The following DMD variants were observed in gnomAD, a reference collection of about 807,000 sequenced individuals.
The protein encoded by DMD is mutant dystrophin.
Under a neutral mutation model 330.1 loss-of-function variants are expected in DMD, and 63 were observed. That is an observed-to-expected ratio of 0.19 (90% CI 0.16 to 0.24). The LOEUF (loss-of-function observed/expected upper bound fraction) is 0.24. DMD is among the 10% of genes least tolerant of loss of function. DMD has a pLI of 1.00. For synonymous variants in DMD, 1,223 were observed against 959.8 expected, an observed-to-expected ratio of 1.27 and a Z score of -5.07; for missense variants, 3,344 against 2,684.1, an observed-to-expected ratio of 1.25 and a Z score of -5.43.
At chrX:31,717,890 A>G (rs2085177758) in intron 52 of DMD, among the ~76,000 whole-genome samples, 1 of 111,808 alleles carries the variant, frequency 8.9e-6, no homozygotes, top group Non-Finnish European at 1.9e-5. Context: ...GACCAGTTCT[A>G]CGTTTTTCTG....
intron 43 of DMD, among the ~76,000 whole-genome samples, chrX:32,230,365 T>C (rs747538274): frequency 9.0e-6 from 1 of 111,574 alleles, no homozygotes; most frequent in South Asian, 3.8e-4. Flanking sequence ...CCGCCTCAGC[T>C]TCCCGAGTAG....
rs1415163842 is a variant in DMD at position 31,362,533 on chromosome X, AAAT to A, written c.9085-13902_9085-13900del. 1.5e-4 allele frequency among the ~76,000 whole-genome samples: 17 copies of A among 112,917 alleles called. No homozygotes were observed. In the Admixed American group the frequency reaches 1.6e-3, roughly 11 times the overall value. On this transcript the variant is annotated intron_variant, in intron 60 of 78. Transcript: ENST00000357033. ...TATGCAAATATTCCAAAATCCACAAAAATAAAAAATCCAAAACACTTCTGGTCC... is the reference window on the plus strand; with the variant it reads ...TATGCAAATATTCCAAAATCCACAAAAAAAAATCCAAAACACTTCTGGTCC...
At chrX:32,532,217 T>C (rs767475226) in intron 17 of DMD, among the ~76,000 whole-genome samples, 2 of 112,047 alleles carry the variant, frequency 1.8e-5, no homozygotes, top group South Asian at 3.6e-4. Context: ...AGAAATCTTT[T>C]CAGTGAAAAA....
intron 7 of DMD, among the ~76,000 whole-genome samples, chrX:32,731,645 G>C (rs1291049628): frequency 8.9e-6 from 1 of 111,950 alleles, no homozygotes; most frequent in Non-Finnish European, 1.9e-5. Context: ...CTCCCCAAAA[G>C]GGGCATACTG....
At chrX:32,700,459 G>C (rs188891252) in intron 7 of DMD, among the ~76,000 whole-genome samples, 2 of 110,940 alleles carry the variant, frequency 1.8e-5, no homozygotes, top group South Asian at 3.8e-4. Flanking sequence ...ATTTCAGTTA[G>C]ATAGGAAAAA....
chrX:32,502,728 G>A (rs1220751934), intron 18 of DMD, among the ~76,000 whole-genome samples: 2 of 111,938 alleles, frequency 1.8e-5, no homozygotes, highest in South Asian at 3.7e-4. Context: ...TGAATTTGAG[G>A]CAGAAGGTTA....
At chrX:33,087,824 CTTGA>C (rs1195137485) in intron 1 of DMD, among the ~76,000 whole-genome samples, 6 of 111,561 alleles carry the variant, frequency 5.4e-5, no homozygotes, top group Non-Finnish European at 7.5e-5. Context: ...CCCTCACCTT[CTTGA>C]TTATTTCTGA....
At chrX:31,815,507 C>A (rs2092601247) in intron 50 of DMD, among the ~76,000 whole-genome samples, 4 of 110,624 alleles carry the variant, frequency 3.6e-5, no homozygotes, top group Non-Finnish European at 5.7e-5. Context: ...AAATCAGAAA[C>A]TCTGGGGTTG....
At chrX:32,204,802 G>T (rs1451346185) in intron 44 of DMD, among the ~76,000 whole-genome samples, 1 of 109,089 alleles carries the variant, frequency 9.2e-6, no homozygotes, top group Non-Finnish European at 1.9e-5. Flanking sequence ...AACAGGTGGG[G>T]GTTGAGGTCT....
At chrX:33,008,803 C>CACATATATGT (rs367795613) in intron 2 of DMD, among the ~76,000 whole-genome samples, 2,601 of 62,565 alleles carry the variant, frequency 0.042, 132 homozygotes, top group East Asian at 0.26. Flanking sequence ...CGTATATATA[C>CACATATATGT]GTATATATAC....
In DMD at chrX:32,595,827, G is replaced by A. The variant is rs1295185756; in HGVS notation, c.1532C>T (p.Thr511Ile). Residue 511 changes from threonine to isoleucine, a missense_variant, in exon 13 of 79, where the codon ACT (threonine) becomes ATT (isoleucine). Transcript: ENST00000357033. The part of the protein sequence containing the change: ...EQEQVRVNSL[T>I]HMVVVVDESS... ...TTCATCAACTACCACCACCATGTGA[G>A]TGAGAGAATTGACCCTGACTTGTTC... 4 of 1,202,568 alleles carry A rather than the reference G, an allele frequency of 3.3e-6. No individual in the cohort carries two copies. The highest frequency in any genetic ancestry group is 3.4e-6 in the Non-Finnish European group (3 of 887,006).
chrX:32,111,181 G>C (rs2096587782), intron 44 of DMD, among the ~76,000 whole-genome samples: 1 of 111,825 alleles, frequency 8.9e-6, no homozygotes, highest in South Asian at 3.7e-4. Context: ...ACAGTCCTAG[G>C]ATATGTGTAT....
chrX:32,111,708 T>C (rs1283701743), intron 44 of DMD, among the ~76,000 whole-genome samples: 1 of 111,564 alleles, frequency 9.0e-6, no homozygotes, highest in African/African-American at 3.3e-5. Context: ...TGGAATTCAA[T>C]GTCAACCACT....
chrX:32,088,738 T>C (rs207478225), intron 44 of DMD, among the ~76,000 whole-genome samples: 2 of 108,948 alleles, frequency 1.8e-5, no homozygotes, highest in Non-Finnish European at 3.8e-5. Context: ...ATTAATAATC[T>C]ACTATGTGCC....
chrX:32,478,922 G>T, intron 21 of DMD, among the ~76,000 whole-genome samples: 1 of 110,568 alleles, frequency 9.0e-6, no homozygotes, highest in East Asian at 2.8e-4. Context: ...ACTGAAATTG[G>T]GGTCATTTTC....
At chrX:33,164,741 C>A (rs1477155446) in intron 1 of DMD, among the ~76,000 whole-genome samples, 1 of 110,595 alleles carries the variant, frequency 9.0e-6, no homozygotes, top group Non-Finnish European at 1.9e-5. Context: ...CAACAGGGTC[C>A]ACAGGCAATC....
At chrX:31,815,810 A>G (rs908343964) in intron 50 of DMD, among the ~76,000 whole-genome samples, 1 of 111,606 alleles carries the variant, frequency 9.0e-6, no homozygotes, top group African/African-American at 3.3e-5. Context: ...AGCAGAAGTA[A>G]CCTACACGTT....
intron 1 of DMD, among the ~76,000 whole-genome samples, chrX:33,310,412 C>G (rs1327019774): frequency 9.0e-6 from 1 of 111,114 alleles, no homozygotes; most frequent in Non-Finnish European, 1.9e-5. Context: ...TAATCTGAGT[C>G]AATTTAACTC....
chrX:32,778,654 G>C (rs189423013), intron 7 of DMD, among the ~76,000 whole-genome samples: 6 of 111,357 alleles, frequency 5.4e-5, no homozygotes, highest in Admixed American at 1.9e-4. Flanking sequence ...AGCTTTTATA[G>C]ACCTCCAATA....
Sources: gnomAD v4.1 joint callset for allele counts (sites outside exome capture counted in the v4.1 genomes callset) on GRCh38, gnomAD v4.1.1 for gene constraint, MANE v1.5 for transcripts, NCBI Gene and HGNC (gene_info 2026-07-23, HGNC 2026-07-21) for gene names.